TMTC2: variants seen among roughly 807,000 people sequenced by gnomAD.
The protein encoded by TMTC2 is protein O-mannosyl-transferase TMTC2.
In TMTC2, 43 loss-of-function variants were observed where a neutral mutation model predicts 82.4. The observed-to-expected ratio is 0.52, with a 90% confidence interval of 0.41 to 0.67. The LOEUF (loss-of-function observed/expected upper bound fraction) is 0.67. Ranked by LOEUF, TMTC2 falls within the 30% of genes least tolerant of loss-of-function variation. The pLI is 0.00. For missense variants in TMTC2, 919 were observed against 1,012.4 expected, an observed-to-expected ratio of 0.91 and a Z score of 1.25; for synonymous variants, 408 against 381.9, an observed-to-expected ratio of 1.07 and a Z score of -0.80.
At position 82,896,540 on chromosome 12, in the gene TMTC2, A is replaced by G; in HGVS notation, c.1377A>G (p.Thr459=). ...TCAAGAGCTTGATTTTTTATGCTAC[A>G]GCTACACTAATTGTTTTTTATGGAC... ...RFLKSLIFYA[T]ATLIVFYGLK... Residue 459 remains threonine (T), a synonymous_variant, in exon 3 of 12, where the codon ACA becomes ACG. Coordinates refer to ENST00000321196, the MANE Select transcript of TMTC2 (RefSeq NM_152588.3). The G allele has an allele frequency of 6.2e-7, 1 of 1,614,202 alleles. No individual in the cohort carries two copies. Among genetic ancestry groups the G allele is most frequent in the Non-Finnish European group, 8.5e-7 (1 of 1,180,038 alleles).
intron 8 of TMTC2, among the ~76,000 whole-genome samples, chr12:82,988,066 A>C (rs1266374361): frequency 6.6e-6 from 1 of 152,188 alleles, no homozygotes; most frequent in South Asian, 2.1e-4. Context: ...GGAATGCTGG[A>C]GTGAGGTGCA....
chr12:83,056,827 A>G (rs1387192218), intron 10 of TMTC2, among the ~76,000 whole-genome samples: 1 of 151,960 alleles, frequency 6.6e-6, no homozygotes, highest in African/African-American at 2.4e-5. Flanking sequence ...GGGGTGGCAG[A>G]TGAGGTTGAA....
At chr12:82,878,830 G>A (rs1872695441) in intron 2 of TMTC2, among the ~76,000 whole-genome samples, 1 of 152,152 alleles carries the variant, frequency 6.6e-6, no homozygotes, top group African/African-American at 2.4e-5. Flanking sequence ...TTGAGCACAG[G>A]AGTTCAAGGC....
intron 4 of TMTC2, among the ~76,000 whole-genome samples, chr12:82,963,511 A>G (rs541584878): frequency 6.6e-6 from 1 of 151,638 alleles, no homozygotes; most frequent in African/African-American, 2.4e-5. Context: ...GAAGACATTT[A>G]AGGTTGTAGA....
chr12:83,070,097 A>G (rs541700855), intron 11 of TMTC2, among the ~76,000 whole-genome samples: 1 of 152,072 alleles, frequency 6.6e-6, no homozygotes, highest in Non-Finnish European at 1.5e-5. Context: ...GCCTTAGAGT[A>G]TAGTTTGAAA....
At chr12:82,885,627 T>C (rs7975911) in intron 2 of TMTC2, among the ~76,000 whole-genome samples, 12,839 of 152,104 alleles carry the variant, frequency 0.084, 679 homozygotes, top group Admixed American at 0.11. Context: ...CACCTTTGCC[T>C]CTTAAAGTGC....
At chr12:82,834,256 T>A (rs1287437229) in intron 1 of TMTC2, among the ~76,000 whole-genome samples, 1 of 152,228 alleles carries the variant, frequency 6.6e-6, no homozygotes, top group Non-Finnish European at 1.5e-5. Context: ...ATGACTAGTA[T>A]TTGGGAAACA....
intron 9 of TMTC2, among the ~76,000 whole-genome samples, chr12:83,037,223 C>T (rs960866576): frequency 1.3e-5 from 2 of 152,204 alleles, no homozygotes; most frequent in African/African-American, 4.8e-5. Context: ...TCTTTCAACA[C>T]TGAGCACTGA....
chr12:82,952,196 T>C (rs1260664572), intron 4 of TMTC2, among the ~76,000 whole-genome samples: 1 of 152,146 alleles, frequency 6.6e-6, no homozygotes, highest in Non-Finnish European at 1.5e-5. Context: ...ATGAAAAGGA[T>C]TCATATGCCT....
At chr12:82,700,307 A>G (rs1046795574) in intron 1 of TMTC2, among the ~76,000 whole-genome samples, 2 of 152,242 alleles carry the variant, frequency 1.3e-5, no homozygotes, top group African/African-American at 4.8e-5. Context: ...TGTCTAGGAT[A>G]CTTACTAAAT....
intron 8 of TMTC2, 67 bp from the exon 9 acceptor site, chr12:83,030,731 T>G: frequency 3.2e-6 from 4 of 1,263,396 alleles, no homozygotes; most frequent in Non-Finnish European, 4.6e-6. Flanking sequence ...CTACTTCAGT[T>G]AGGCCCAGGC....
chr12:82,759,554 G>A (rs1015660612), intron 1 of TMTC2: 3 of 152,160 alleles, frequency 2.0e-5, no homozygotes, highest in African/African-American at 7.2e-5. Flanking sequence ...TAATTCATAA[G>A]CACTGAGTTG....
intron 1 of TMTC2, among the ~76,000 whole-genome samples, chr12:82,762,133 AT>A (rs1876682093): frequency 6.6e-6 from 1 of 151,872 alleles, no homozygotes; most frequent in South Asian, 2.1e-4. Context: ...AGCAAGGCTA[AT>A]TTTTGTATTT....
intron 9 of TMTC2, among the ~76,000 whole-genome samples, chr12:83,034,040 C>G (rs1178123190): frequency 6.6e-6 from 1 of 151,510 alleles, no homozygotes; most frequent in Non-Finnish European, 1.5e-5. Context: ...TTTTAGAACT[C>G]AAATTCATGT....
intron 1 of TMTC2, among the ~76,000 whole-genome samples, chr12:82,851,521 AG>A (rs1870976412): frequency 6.6e-6 from 1 of 152,244 alleles, no homozygotes; most frequent in Non-Finnish European, 1.5e-5. Flanking sequence ...AGGCAAGTAT[AG>A]TGCTCTCTAG....
chr12:82,713,708 G>T (rs1873755310), intron 1 of TMTC2, among the ~76,000 whole-genome samples: 1 of 152,190 alleles, frequency 6.6e-6, no homozygotes. Flanking sequence ...TTCAAGATGA[G>T]ATTTGGGTGG....
chr12:82,922,349 C>T (rs2137230148), intron 3 of TMTC2, among the ~76,000 whole-genome samples: 1 of 152,192 alleles, frequency 6.6e-6, no homozygotes, highest in African/African-American at 2.4e-5. Context: ...TCCCAAACAT[C>T]TGTTTTGAAT....
intron 7 of TMTC2, among the ~76,000 whole-genome samples, chr12:82,967,454 A>C (rs1431146170): frequency 6.6e-6 from 1 of 152,156 alleles, no homozygotes; most frequent in Non-Finnish European, 1.5e-5. Flanking sequence ...TACAACAATT[A>C]TTCTATGTTT....
chr12:82,904,016 A>G (rs1157166865), intron 3 of TMTC2, among the ~76,000 whole-genome samples: 1 of 152,190 alleles, frequency 6.6e-6, no homozygotes, highest in African/African-American at 2.4e-5. Flanking sequence ...CCATTTTGAT[A>G]CAAGGCAAAA....
Sources: allele counts gnomAD v4.1 joint callset (sites outside exome capture counted in the v4.1 genomes callset), GRCh38; gene constraint gnomAD v4.1.1; transcripts MANE v1.5; gene names NCBI Gene and HGNC (gene_info 2026-07-23, HGNC 2026-07-21).